POT1: variants seen among roughly 807,000 people sequenced by gnomAD.
The protein encoded by POT1 is protection of telomeres 1, also known as protection of telomeres protein 1.
A neutral mutation model predicts 78.5 loss-of-function variants in POT1; 47 were observed. The ratio of observed to expected loss-of-function variants is 0.60; its 90% CI spans 0.47 to 0.76. POT1 has a LOEUF of 0.76. POT1 is among the 30% of genes least tolerant of loss of function. The probability of loss-of-function intolerance (pLI) is 0.00; values close to 1 mark genes in which losing one functional copy is unlikely to be tolerated. For missense variants in POT1, 646 were observed against 749.9 expected (o/e 0.86, Z 1.62); for synonymous variants, 259 against 260.7 (o/e 0.99, Z 0.06).
Position 124,841,181 on chromosome 7 carries a change from A to G in POT1, c.1164-3T>C, listed in dbSNP as rs1322783514. 11 of 1,608,404 alleles carry G rather than the reference A, an allele frequency of 6.8e-6. No individual in the cohort carries two copies. Among genetic ancestry groups the G allele is most frequent in the Non-Finnish European group, 9.3e-6 (11 of 1,176,848 alleles). ...CGCCCTCATGTGGAACTTCTTGCCT[A>G]AAATTATTGGCAATGAAATGATAGA... On this transcript the variant is annotated splice_region_variant and splice_polypyrimidine_tract_variant and intron_variant, in intron 13 of 18. Coordinates refer to ENST00000357628, the MANE Select transcript of POT1 (RefSeq NM_015450.3).
intron 12 of POT1, among the ~76,000 whole-genome samples, chr7:124,844,953 C>T (rs1051961542): frequency 1.3e-5 from 2 of 152,142 alleles, no homozygotes; most frequent in African/African-American, 4.8e-5. Context: ...CATTTTTGCA[C>T]ATTTATCATT....
intron 15 of POT1, among the ~76,000 whole-genome samples, chr7:124,834,484 T>C (rs1362790621): frequency 1.3e-5 from 2 of 151,964 alleles, no homozygotes; most frequent in Middle Eastern, 3.2e-3. Context: ...CCAACAAACA[T>C]ATGAAAGAAA....
At chr7:124,837,187 CA>C in intron 14 of POT1, 1 of 297,486 alleles carries the variant, frequency 3.4e-6, no homozygotes, top group Non-Finnish European at 6.6e-6. Flanking sequence ...CTTCTGTTTA[CA>C]AAGGGGATAT....
In POT1 at chr7:124,857,439, C is replaced by T. The variant is rs117116117; in HGVS notation, c.702+1518G>A. Among the ~76,000 whole-genome samples the T allele has an allele frequency of 4.6e-3, 696 of 152,314 alleles. 3 individuals carry two copies. Among genetic ancestry groups the T allele is most frequent in the South Asian group, 0.019 (92 of 4,824 alleles). ...CGGCCCAAAGTGAGAACTTACATCC[C>T]TGTTTTCCTGCTCAAATGTTGCCTT... On this transcript the variant is annotated intron_variant, in intron 9 of 18. Transcript: ENST00000357628.
intron 2 of POT1, 60 bp downstream of exon 2, chr7:124,928,755 C>T (rs901202560): frequency 1.3e-5 from 2 of 152,624 alleles, no homozygotes; most frequent in East Asian, 3.8e-4. Flanking sequence ...ATAAACTCAA[C>T]ACTTAAAAAC....
At chr7:124,825,828 C>A (rs561245844) in intron 17 of POT1, among the ~76,000 whole-genome samples, 1 of 152,146 alleles carries the variant, frequency 6.6e-6, no homozygotes, top group Non-Finnish European at 1.5e-5. Context: ...ATAGCAGGTG[C>A]TCATTAAATA....
At chr7:124,847,101 A>C in intron 11 of POT1, 103 bp from the exon 12 acceptor site, 3 of 694,478 alleles carry the variant, frequency 4.3e-6, no homozygotes, top group East Asian at 2.7e-5. Flanking sequence ...ATATAAATAA[A>C]TGGTGAGATA....
rs774946163 is a variant in POT1, at chr7:124,851,923, T to A, written c.898A>T (p.Asn300Tyr). Residue 300 changes from asparagine to tyrosine, a missense_variant, in exon 11 of 19, where the codon AAT (asparagine) becomes TAT (tyrosine). By Grantham distance (143) the Asn-to-Tyr change is moderately radical (BLOSUM62 -2). Transcript: ENST00000357628. The stretch of plus-strand genomic sequence containing the variant: ...TGACAGATAACATCTGAATGCTGAT[T>A]GGCTGTCAAATTTGCAGATTCTAAA... ...KDLESANLTA[N>Y]QHSDVICQSE... 5 of 1,611,444 alleles carry A rather than the reference T, an allele frequency of 3.1e-6. No homozygotes were observed. The African/African-American group carries it at 4.0e-5, about 13-fold the overall frequency.
At chr7:124,865,661 C>T (rs535577611) in intron 7 of POT1, among the ~76,000 whole-genome samples, 3 of 151,430 alleles carry the variant, frequency 2.0e-5, no homozygotes, top group African/African-American at 4.8e-5. Flanking sequence ...TTCACTGAAT[C>T]TATTTTCACT....
intron 3 of POT1, among the ~76,000 whole-genome samples, chr7:124,911,256 T>C (rs12540387): frequency 0.014 from 2,150 of 152,212 alleles, 56 homozygotes; most frequent in African/African-American, 0.047. Flanking sequence ...AAGCACCTTA[T>C]CAAAATAGAT....
At chr7:124,910,492 T>C (rs993640175) in intron 3 of POT1, among the ~76,000 whole-genome samples, 1 of 151,934 alleles carries the variant, frequency 6.6e-6, no homozygotes, top group Admixed American at 6.6e-5. Context: ...TTGCAATCTG[T>C]AAGATTTCAT....
At chr7:124,852,890 T>A (rs1263592119) in intron 10 of POT1, 82 bp downstream of exon 10, 1 of 1,276,696 alleles carries the variant, frequency 7.8e-7, no homozygotes, top group African/African-American at 1.5e-5. Flanking sequence ...TAGGGAACTA[T>A]CAGAAGCCCC....
chr7:124,843,751 G>C, intron 12 of POT1, among the ~76,000 whole-genome samples: 1 of 152,184 alleles, frequency 6.6e-6, no homozygotes, highest in East Asian at 1.9e-4. Context: ...ACACTTTCAT[G>C]TGTTTTAGAA....
chr7:124,844,579 A>G (rs1211315360), intron 12 of POT1, among the ~76,000 whole-genome samples: 2 of 150,966 alleles, frequency 1.3e-5, no homozygotes, highest in African/African-American at 4.8e-5. Flanking sequence ...TACTAAAAAT[A>G]CAAAAAATTA....
chr7:124,903,348 T>A (rs1209117644), intron 3 of POT1, among the ~76,000 whole-genome samples: 2 of 152,140 alleles, frequency 1.3e-5, no homozygotes, highest in African/African-American at 4.8e-5. Context: ...GTAATCAAAT[T>A]AGAACTCAGG....
Position 124,835,224 on chromosome 7 carries a change from C to T in POT1, c.1505+55G>A. On this transcript the variant is annotated intron_variant, in intron 15 of 18. Coordinates refer to ENST00000357628, the MANE Select transcript of POT1 (RefSeq NM_015450.3). ...AACCTCCATGTTCAGCACATGACCC[C>T]AGAACTTAAAAGTATAATAAACAAA... The T allele has an allele frequency of 7.5e-6, 12 of 1,589,966 alleles. No individual in the cohort carries two copies. The South Asian group carries it at 1.3e-4, about 18-fold the overall frequency.
chr7:124,837,766 T>C (rs931113204), intron 14 of POT1, among the ~76,000 whole-genome samples: 1 of 152,080 alleles, frequency 6.6e-6, no homozygotes, highest in African/African-American at 2.4e-5. Flanking sequence ...TGAAGACCTA[T>C]TGATCAACTT....
intron 3 of POT1, among the ~76,000 whole-genome samples, chr7:124,903,702 CA>C (rs1006885761): frequency 1.8e-4 from 27 of 151,930 alleles, no homozygotes; most frequent in African/African-American, 6.5e-4. Context: ...GATAGAGACA[CA>C]AAAAACCCTT....
chr7:124,884,965 A>C (rs1243982829), intron 6 of POT1, among the ~76,000 whole-genome samples: 6 of 152,182 alleles, frequency 3.9e-5, no homozygotes, highest in Non-Finnish European at 5.9e-5. Flanking sequence ...TGTGTTATCT[A>C]GGAAAATATG....
Sources: allele counts gnomAD v4.1 joint callset (sites outside exome capture counted in the v4.1 genomes callset), GRCh38; gene constraint gnomAD v4.1.1; transcripts MANE v1.5; gene names NCBI Gene and HGNC (gene_info 2026-07-23, HGNC 2026-07-21).